The following DGKB variants were observed in gnomAD, a reference collection of about 807,000 sequenced individuals.
DGKB encodes diacylglycerol kinase beta, also known as 90 kDa diacylglycerol kinase.
DGKB carries 67 observed loss-of-function variants against 114.3 expected under a neutral mutation model. The observed-to-expected ratio is 0.59, with a 90% confidence interval of 0.48 to 0.72. The LOEUF is 0.72. DGKB is among the 30% of genes least tolerant of loss of function. The pLI is 0.00. For missense variants in DGKB, 907 were observed against 975.2 expected (o/e 0.93, Z 0.93); for synonymous variants, 398 against 323.1 (o/e 1.23, Z -2.49).
At chr7:14,551,219 AATATATAT>A (rs1795054591) in intron 20 of DGKB, among the ~76,000 whole-genome samples, 2 of 152,190 alleles carry the variant, frequency 1.3e-5, no homozygotes, top group African/African-American at 4.8e-5. Flanking sequence ...TTTGGGTGGT[AATATATAT>A]GTGTAGTAAA....
chr7:14,864,219 G>C (rs112209998), intron 1 of DGKB, among the ~76,000 whole-genome samples: 3 of 150,832 alleles, frequency 2.0e-5, no homozygotes. Flanking sequence ...TAATAGTTTC[G>C]TACAGATAAC....
Position 14,154,185 on chromosome 7 carries a change from T to C in DGKB, c.2305-4947A>G, listed in dbSNP as rs1782636345. 3.3e-5 allele frequency among the ~76,000 whole-genome samples: 5 copies of C among 150,848 alleles called. 1 individual carries two copies. Among genetic ancestry groups the C allele is most frequent in the Admixed American group, 3.3e-4 (5 of 15,132 alleles). ...ATATGGTAGAGTTTTGTCTTTTTTT[T>C]TTTTTTTTTTTTAAGAAAAATGAGA... On this transcript the variant is annotated intron_variant, in intron 25 of 25. Transcript: ENST00000402815.
chr7:14,919,772 G>A (rs1299452653), intron 1 of DGKB, among the ~76,000 whole-genome samples: 2 of 152,158 alleles, frequency 1.3e-5, no homozygotes, highest in Non-Finnish European at 2.9e-5. Context: ...ATGGCTTGGT[G>A]CCATCCCCTT....
At chr7:14,458,391 G>A (rs2128862197) in intron 21 of DGKB, among the ~76,000 whole-genome samples, 1 of 152,248 alleles carries the variant, frequency 6.6e-6, no homozygotes, top group East Asian at 1.9e-4. Flanking sequence ...AATATAGTGT[G>A]CCCAGCGGTG....
intron 3 of DGKB, among the ~76,000 whole-genome samples, chr7:14,755,905 G>A (rs980221464): frequency 1.3e-5 from 2 of 151,726 alleles, no homozygotes; most frequent in Admixed American, 6.6e-5. Context: ...TCAACTGTTC[G>A]TTATTTTAAT....
intron 5 of DGKB, among the ~76,000 whole-genome samples, chr7:14,735,034 C>G (rs75372101): frequency 0.013 from 1,964 of 152,246 alleles, 33 homozygotes; most frequent in African/African-American, 0.044. Context: ...CGTTTCAGCC[C>G]GGTGGCGGTA....
At chr7:14,247,249 T>C (rs929799668) in intron 23 of DGKB, among the ~76,000 whole-genome samples, 2 of 152,264 alleles carry the variant, frequency 1.3e-5, no homozygotes, top group East Asian at 3.9e-4. Flanking sequence ...TCTTTATCTA[T>C]CCATGAACAC....
intron 1 of DGKB, among the ~76,000 whole-genome samples, chr7:14,851,005 G>T (rs1186126949): frequency 6.6e-6 from 1 of 152,138 alleles, no homozygotes; most frequent in Admixed American, 6.5e-5. Flanking sequence ...AGCATTTAAA[G>T]AAATAGCATG....
intron 20 of DGKB, among the ~76,000 whole-genome samples, chr7:14,563,352 T>A (rs1045514838): frequency 1.3e-5 from 2 of 152,206 alleles, no homozygotes; most frequent in Non-Finnish European, 2.9e-5. Context: ...TTAACTCTTG[T>A]AATGAAATAT....
chr7:14,494,338 A>AT (rs1269546999), intron 20 of DGKB, among the ~76,000 whole-genome samples: 1 of 151,944 alleles, frequency 6.6e-6, no homozygotes, highest in Non-Finnish European at 1.5e-5. Flanking sequence ...ATAAAATGAG[A>AT]TTTTAGATGC....
At chr7:14,321,067 G>C (rs7800368) in intron 23 of DGKB, among the ~76,000 whole-genome samples, 3 of 152,062 alleles carry the variant, frequency 2.0e-5, no homozygotes, top group Non-Finnish European at 4.4e-5. Context: ...GAGGCGGGCG[G>C]ATGACTTGAG....
rs563541597 is a variant in DGKB at position 14,857,979 on chromosome 7, C to A, written c.-187-16529G>T. On this transcript the variant is annotated intron_variant, in intron 1 of 25. Coordinates refer to ENST00000402815, the MANE Select transcript of DGKB (RefSeq NM_001350709.2). ...GCCATATGGATAATTATTTATTTGA[C>A]TGGTGAACCTTTATAATTAATGCTC... Among the ~76,000 whole-genome samples the A allele has an allele frequency of 1.8e-4, 27 of 152,204 alleles. 1 individual carries two copies. The South Asian group carries it at 5.6e-3, about 32-fold the overall frequency.
intron 23 of DGKB, among the ~76,000 whole-genome samples, chr7:14,293,449 T>C (rs1050341980): frequency 3.3e-5 from 5 of 152,194 alleles, no homozygotes; most frequent in Non-Finnish European, 7.3e-5. Flanking sequence ...AACATACCTG[T>C]GTCTGATTTA....
chr7:14,241,025 C>G (rs1017179846), intron 23 of DGKB, among the ~76,000 whole-genome samples: 5 of 152,010 alleles, frequency 3.3e-5, no homozygotes, highest in Admixed American at 6.6e-5. Flanking sequence ...TAAATGCCAG[C>G]TAGAGGTTGG....
chr7:14,592,410 A>G (rs1198500802), intron 17 of DGKB, among the ~76,000 whole-genome samples: 1 of 151,936 alleles, frequency 6.6e-6, no homozygotes, highest in Non-Finnish European at 1.5e-5. Flanking sequence ...ATCTCTGATT[A>G]TTCTATTCAA....
chr7:14,552,526 C>G (rs895328543), intron 20 of DGKB, among the ~76,000 whole-genome samples: 1 of 152,106 alleles, frequency 6.6e-6, no homozygotes, highest in South Asian at 2.1e-4. Flanking sequence ...TGTGCTAACC[C>G]TCCTCCCTCC....
Position 14,961,496 on chromosome 7 carries a change from G to A in DGKB, c.-188+13200C>T, listed in dbSNP as rs576827630. On this transcript the variant is annotated intron_variant, in intron 1 of 4. Transcript: ENST00000437998. ...GCTGACATGTGGCAGTCAGGGCCATGCCTATGGAGATGCAAGGGAGAACCA... is the reference window on the plus strand; with the variant it reads ...GCTGACATGTGGCAGTCAGGGCCATACCTATGGAGATGCAAGGGAGAACCA... Among the ~76,000 whole-genome samples, 3 of 152,238 alleles carry A rather than the reference G, an allele frequency of 2.0e-5. No individual in the cohort carries two copies. In the East Asian group the frequency reaches 5.8e-4, roughly 30 times the overall value.
At chr7:14,806,784 T>C (rs1243548872) in intron 2 of DGKB, among the ~76,000 whole-genome samples, 1 of 152,054 alleles carries the variant, frequency 6.6e-6, no homozygotes, top group African/African-American at 2.4e-5. Flanking sequence ...GAATCCCTGA[T>C]GCTGCTATTC....
chr7:14,901,618 C>A (rs1159904050), intron 1 of DGKB, among the ~76,000 whole-genome samples: 1 of 145,886 alleles, frequency 6.9e-6, no homozygotes, highest in East Asian at 2.2e-4. Context: ...CCCCCCCACC[C>A]CCCACTGCCC....
Sources: allele counts gnomAD v4.1 joint callset (sites outside exome capture counted in the v4.1 genomes callset), GRCh38; gene constraint gnomAD v4.1.1; transcripts MANE v1.5; gene names NCBI Gene and HGNC (gene_info 2026-07-23, HGNC 2026-07-21).